TANC1: variants seen among roughly 807,000 people sequenced by gnomAD.
TANC1 encodes the protein tetratricopeptide repeat, ankyrin repeat and coiled-coil containing 1, also known as protein TANC1.
Under a neutral mutation model 149.7 loss-of-function variants are expected in TANC1, and 77 were observed. The ratio of observed to expected loss-of-function variants is 0.51; its 90% CI spans 0.43 to 0.62. The LOEUF (loss-of-function observed/expected upper bound fraction) is 0.62, where lower values mean the gene tolerates loss of function less well. TANC1 is among the 20% of genes least tolerant of loss of function. TANC1 has a pLI of 0.00. For missense variants in TANC1, 1,985 were observed against 2,321.8 expected (o/e 0.85, Z 2.98); for synonymous variants, 854 against 925.0 (o/e 0.92, Z 1.39).
intron 2 of TANC1, among the ~76,000 whole-genome samples, chr2:159,013,151 A>G (rs1469226052): frequency 6.6e-6 from 1 of 152,208 alleles, no homozygotes; most frequent in South Asian, 2.1e-4. Context: ...ACTTGCCCCA[A>G]TCTGCTTTTG....
rs1356204507 is a variant in TANC1, at chr2:159,164,554, T to C, written c.946+1008T>C. On this transcript the variant is annotated intron_variant, in intron 8 of 26. Transcript: ENST00000263635. ...AGCTGTGGGGCCTGTTTTTAAGGTT[T>C]CTAGTTTCTAAACTCCATGCCCTGT... 2.6e-5 allele frequency among the ~76,000 whole-genome samples: 4 copies of C among 152,170 alleles called. No homozygotes were observed. In the East Asian group the frequency reaches 7.7e-4, roughly 29 times the overall value.
chr2:159,150,790 A>G (rs914973827), intron 7 of TANC1: 1 of 487,558 alleles, frequency 2.1e-6, no homozygotes, highest in Non-Finnish European at 3.7e-6. Context: ...AAAAAAAAAA[A>G]AAAGGAATTC....
chr2:159,193,707 A>G (rs2057638214), intron 16 of TANC1, among the ~76,000 whole-genome samples: 1 of 152,136 alleles, frequency 6.6e-6, no homozygotes, highest in Non-Finnish European at 1.5e-5. Context: ...TATTTTTAGT[A>G]GAGACGGGGT....
intron 1 of TANC1, among the ~76,000 whole-genome samples, chr2:158,971,265 T>A (rs1226620332): frequency 6.6e-6 from 1 of 152,228 alleles, no homozygotes; most frequent in Non-Finnish European, 1.5e-5. Flanking sequence ...CATATTATAA[T>A]GACTCCTGCC....
At chr2:159,152,980 C>G (rs370833535) in intron 7 of TANC1, among the ~76,000 whole-genome samples, 2 of 144,538 alleles carry the variant, frequency 1.4e-5, no homozygotes, top group Non-Finnish European at 3.1e-5. Flanking sequence ...CAGTAGCTGA[C>G]TGATTAGACC....
At chr2:159,115,405 T>C (rs1315429972) in intron 4 of TANC1, among the ~76,000 whole-genome samples, 1 of 152,190 alleles carries the variant, frequency 6.6e-6, no homozygotes, top group African/African-American at 2.4e-5. Context: ...CAGGGGAATG[T>C]GCAGTGTGGT....
intron 14 of TANC1, among the ~76,000 whole-genome samples, chr2:159,182,373 C>T (rs2056583320): frequency 6.6e-6 from 1 of 152,060 alleles, no homozygotes; most frequent in Admixed American, 6.5e-5. Context: ...TATTTTCATA[C>T]TTAACCACGC....
intron 19 of TANC1, 27 bp from the exon 20 acceptor site, chr2:159,217,470 A>G: frequency 6.2e-7 from 1 of 1,613,866 alleles, no homozygotes; most frequent in African/African-American, 1.3e-5. Flanking sequence ...ATGCTAACAG[A>G]TTCCCCTCCA....
chr2:159,133,852 C>G (rs908788291), intron 4 of TANC1, among the ~76,000 whole-genome samples: 3 of 152,140 alleles, frequency 2.0e-5, no homozygotes, highest in African/African-American at 7.2e-5. Context: ...GTTTGAAATA[C>G]CGTCCTTATT....
At chr2:158,974,694 A>G (rs570740358) in intron 1 of TANC1, among the ~76,000 whole-genome samples, 1 of 152,154 alleles carries the variant, frequency 6.6e-6, no homozygotes, top group Non-Finnish European at 1.5e-5. Context: ...CAGCCTCCCA[A>G]AGTGCTGGGA....
At position 159,083,600 on chromosome 2, in the gene TANC1, C is replaced by T. The variant is rs544026684; in HGVS notation, c.62-14037C>T. 5.3e-5 allele frequency among the ~76,000 whole-genome samples: 8 copies of T among 152,284 alleles called. No individual in the cohort carries two copies. In the South Asian group the frequency reaches 1.4e-3, roughly 28 times the overall value. The stretch of plus-strand genomic sequence containing the variant: ...ACATTTGCTTATTTTCATACTGATA[C>T]TTGCAAGTTAGATACACAAAAAGTA... On this transcript the variant is annotated intron_variant, in intron 3 of 26. Coordinates refer to ENST00000263635, the MANE Select transcript of TANC1 (RefSeq NM_033394.3).
At chr2:159,008,581 G>A (rs761522879) in intron 2 of TANC1, among the ~76,000 whole-genome samples, 7 of 152,196 alleles carry the variant, frequency 4.6e-5, no homozygotes, top group Non-Finnish European at 1.0e-4. Flanking sequence ...AAAAACAAAT[G>A]TAAAGCAAAG....
intron 16 of TANC1, among the ~76,000 whole-genome samples, chr2:159,188,904 G>A (rs2057230376): frequency 6.6e-6 from 1 of 152,306 alleles, no homozygotes; most frequent in African/African-American, 2.4e-5. Context: ...TTTCCATATC[G>A]TTGGGGGAAA....
At chr2:159,069,476 C>A (rs886507924) in intron 3 of TANC1, among the ~76,000 whole-genome samples, 2 of 152,122 alleles carry the variant, frequency 1.3e-5, no homozygotes, top group African/African-American at 4.8e-5. Flanking sequence ...GGCCTACAAC[C>A]TTTACCACGT....
At chr2:158,972,188 T>C (rs1243866130) in intron 1 of TANC1, among the ~76,000 whole-genome samples, 1 of 152,252 alleles carries the variant, frequency 6.6e-6, no homozygotes, top group Non-Finnish European at 1.5e-5. Context: ...TAATGTGATT[T>C]ATAATCCGGA....
chr2:159,008,354 A>G (rs1331755627), intron 2 of TANC1, among the ~76,000 whole-genome samples: 1 of 152,210 alleles, frequency 6.6e-6, no homozygotes, highest in Non-Finnish European at 1.5e-5. Context: ...GGTGTAAGCC[A>G]TCAACAAGCT....
chr2:159,187,074 C>T (rs1385025539), intron 16 of TANC1, 50 bp downstream of exon 16: 3 of 1,600,434 alleles, frequency 1.9e-6, no homozygotes, highest in Middle Eastern at 1.7e-4. Context: ...TGGCCGGCTG[C>T]TGGCCGTTCC....
intron 5 of TANC1, among the ~76,000 whole-genome samples, chr2:159,138,374 A>T (rs2050996628): frequency 6.6e-6 from 1 of 152,182 alleles, no homozygotes; most frequent in East Asian, 1.9e-4. Context: ...CTCTTGGTTG[A>T]TGAGGAGAGG....
chr2:159,217,434 A>G (rs970563304), intron 19 of TANC1, 63 bp from the exon 20 acceptor site: 16 of 1,602,832 alleles, frequency 1.0e-5, no homozygotes, highest in Admixed American at 1.7e-5. Context: ...CTGTTAAAGA[A>G]TTTCTGGCTA....
Sources: allele counts gnomAD v4.1 joint callset (sites outside exome capture counted in the v4.1 genomes callset), GRCh38; gene constraint gnomAD v4.1.1; transcripts MANE v1.5; gene names NCBI Gene and HGNC (gene_info 2026-07-23, HGNC 2026-07-21).